CCDC196: variants seen among roughly 807,000 people sequenced by gnomAD.
The protein encoded by CCDC196 is coiled-coil domain containing 196, also known as coiled-coil domain-containing protein 196.
intron 4 of CCDC196, among the ~76,000 whole-genome samples, chr14:66,489,771 C>A (rs1277439922): frequency 2.0e-5 from 3 of 152,000 alleles, no homozygotes; most frequent in African/African-American, 7.2e-5. Flanking sequence ...ATTCCAATAC[C>A]CTTATAATTT....
At chr14:66,492,594 C>T (rs905857977) in intron 8 of CCDC196, among the ~76,000 whole-genome samples, 11 of 152,124 alleles carry the variant, frequency 7.2e-5, no homozygotes, top group African/African-American at 2.7e-4. Context: ...CCTGCCTTGG[C>T]CTCCCAAAGT....
intron 8 of CCDC196, chr14:66,495,592 ATCT>A (rs915679080): frequency 6.6e-6 from 1 of 152,178 alleles, no homozygotes; most frequent in African/African-American, 2.4e-5. Context: ...TTAACGTATA[ATCT>A]TCTCAGTGAA....
chr14:66,486,590 G>GTC lies in CCDC196; in HGVS notation c.51-44_51-43dup, dbSNP rs10569333. ...TGGAAAATGCTGAATAGAAAAGAGG[G>GTC]TCTCTCTCTCTCTCTCTCTCTCTCA... On this transcript the variant is annotated intron_variant, in intron 1 of 9. Coordinates refer to ENST00000636229, the MANE Select transcript of CCDC196 (RefSeq NM_001351576.1). 878 of 409,312 alleles carry GTC rather than the reference G, an allele frequency of 2.1e-3. 4 individuals are homozygous for GTC. Among genetic ancestry groups the GTC allele is most frequent in the East Asian group, 0.012 (329 of 27,932 alleles). 25.4% of individuals were successfully genotyped at this position (409,312 alleles called of 1,614,324 possible). A position where few individuals can be genotyped will look rare whatever the true frequency, so the allele number is the denominator to read the frequency against.
At chr14:66,497,535 T>G (rs1294004328) in intron 8 of CCDC196, among the ~76,000 whole-genome samples, 2 of 152,146 alleles carry the variant, frequency 1.3e-5, no homozygotes, top group Non-Finnish European at 1.5e-5. Flanking sequence ...GTCCCAAATA[T>G]TTCATGAGAT....
rs1051020078 is a variant in CCDC196, at chr14:66,486,406, T to C, written c.-97T>C. On this transcript the variant is annotated 5_prime_UTR_variant, in exon 1 of 10. Transcript: ENST00000636229. The stretch of plus-strand genomic sequence containing the variant: ...AGATCAGTCCACTGCAGCAGGAGTT[T>C]CAAGAACAGCAGCACAAAAATAATG... The C allele has an allele frequency of 2.0e-5, 8 of 397,892 alleles. No individual in the cohort carries two copies. Among genetic ancestry groups the C allele is most frequent in the Non-Finnish European group, 3.5e-5 (8 of 225,672 alleles). The allele number at this position is 397,892 out of a possible 1,614,324, so 24.6% of individuals were successfully genotyped here.
At chr14:66,494,983 G>GCA in intron 8 of CCDC196, 1 of 150,256 alleles carries the variant, frequency 6.7e-6, no homozygotes, top group Non-Finnish European at 1.5e-5. Context: ...CTGCGATGAC[G>GCA]CCACTGCACT....
At position 66,489,976 on chromosome 14, in the gene CCDC196, T is replaced by C. The variant is rs200797269; in HGVS notation, c.352-766T>C. 3.9e-5 allele frequency among the ~76,000 whole-genome samples: 6 copies of C among 152,332 alleles called. No individual in the cohort carries two copies. The East Asian group carries it at 1.2e-3, about 29-fold the overall frequency. On this transcript the variant is annotated intron_variant, in intron 4 of 9. Coordinates refer to ENST00000636229, the MANE Select transcript of CCDC196 (RefSeq NM_001351576.1). ...GAAGAGTAGACTGTGTCTTGTGATA[T>C]AAACAGATATATAGTGTGATCTCTG...
intron 8 of CCDC196, among the ~76,000 whole-genome samples, chr14:66,495,294 G>A (rs1213823775): frequency 6.6e-6 from 1 of 152,102 alleles, no homozygotes; most frequent in African/African-American, 2.4e-5. Flanking sequence ...TTCCTCTGAG[G>A]CTCACCAGTT....
intron 8 of CCDC196, among the ~76,000 whole-genome samples, chr14:66,497,266 T>C (rs928697941): frequency 4.6e-5 from 7 of 152,172 alleles, no homozygotes; most frequent in African/African-American, 1.7e-4. Context: ...AAGTCATTCT[T>C]TTACTTCTTT....
intron 8 of CCDC196, among the ~76,000 whole-genome samples, chr14:66,492,530 C>T (rs553863874): frequency 6.6e-5 from 10 of 151,852 alleles, no homozygotes; most frequent in South Asian, 2.1e-4. Flanking sequence ...TTAGTAGAGA[C>T]GGGGTTTCAC....
intron 8 of CCDC196, among the ~76,000 whole-genome samples, chr14:66,493,426 G>C (rs1211654460): frequency 6.6e-6 from 1 of 152,100 alleles, no homozygotes; most frequent in East Asian, 1.9e-4. Flanking sequence ...GTTTTTCCTG[G>C]TGTTGAAATC....
chr14:66,492,345 T>A (rs1280504186), intron 8 of CCDC196, among the ~76,000 whole-genome samples, 151 bp downstream of exon 8: 1 of 151,186 alleles, frequency 6.6e-6, no homozygotes, highest in Non-Finnish European at 1.5e-5. Flanking sequence ...TTATCTTTTT[T>A]TTTTTTTTGA....
At chr14:66,489,997 C>A (rs1044426024) in intron 4 of CCDC196, among the ~76,000 whole-genome samples, 2 of 152,060 alleles carry the variant, frequency 1.3e-5, no homozygotes, top group African/African-American at 4.8e-5. Context: ...ATAGTGTGAT[C>A]TCTGTCTTTT....
chr14:66,493,913 T>A (rs2057601512), intron 8 of CCDC196: 1 of 152,224 alleles, frequency 6.6e-6, no homozygotes, highest in Non-Finnish European at 1.5e-5. Flanking sequence ...CATTCAAAAT[T>A]AGCTGAAGGT....
intron 4 of CCDC196, among the ~76,000 whole-genome samples, chr14:66,489,762 T>C (rs1304566879): frequency 1.3e-5 from 2 of 152,172 alleles, no homozygotes; most frequent in African/African-American, 4.8e-5. Flanking sequence ...GAATACCTAA[T>C]TCCAATACCC....
chr14:66,492,282 A>G, intron 8 of CCDC196, 88 bp downstream of exon 8: 1 of 408,140 alleles, frequency 2.5e-6, no homozygotes. Flanking sequence ...GAGCAACACA[A>G]TGCCTGGCAC....
At chr14:66,491,368 T>C (rs763773703) in intron 6 of CCDC196, among the ~76,000 whole-genome samples, 4 of 152,238 alleles carry the variant, frequency 2.6e-5, no homozygotes, top group Non-Finnish European at 5.9e-5. Flanking sequence ...TCATTTGTCT[T>C]TGAAAATGTA....
rs1329318682 is a variant in CCDC196, at chr14:66,486,690, A to C, written c.84A>C (p.Glu28Asp). Residue 28 changes from glutamate (E) to aspartate (D), a missense_variant, in exon 2 of 10, where the codon GAA becomes GAC. By Grantham distance (45) the Glu-to-Asp change is conservative. Coordinates refer to ENST00000636229, the MANE Select transcript of CCDC196 (RefSeq NM_001351576.1). ...SSKIDDNYLK[E>D]LNEDLKLRKQ... is the part of the protein sequence containing the mutation. ...AAATAGATGACAACTACTTGAAGGA[A>C]TTGAATGAGGACTTAAAGCTAAGGA... 2.4e-6 allele frequency: 1 copy of C among 413,418 alleles called. No homozygotes were observed. The highest frequency in any genetic ancestry group is 4.4e-6 in the Non-Finnish European group (1 of 226,136). 25.6% of individuals were successfully genotyped at this position (413,418 alleles called of 1,614,324 possible).
rs183321529 is a variant in CCDC196 at position 66,497,075 on chromosome 14, G to A, written c.716-1034G>A. ...GTGCTGCTGAAGGGAAAATAGTAGT[G>A]TTAAGCTAAAATGCTGAAGGGCAGG... On this transcript the variant is annotated intron_variant, in intron 8 of 9. Coordinates refer to ENST00000636229, the MANE Select transcript of CCDC196 (RefSeq NM_001351576.1). Among the ~76,000 whole-genome samples, 1,041 of 152,276 alleles carry A rather than the reference G, an allele frequency of 6.8e-3. 5 individuals are homozygous for A. Among genetic ancestry groups the A allele is most frequent in the Non-Finnish European group, 0.011 (747 of 68,018 alleles).
Sources: allele counts gnomAD v4.1 joint callset (sites outside exome capture counted in the v4.1 genomes callset), GRCh38; gene constraint gnomAD v4.1.1; transcripts MANE v1.5; gene names NCBI Gene and HGNC (gene_info 2026-07-23, HGNC 2026-07-21).